The following ANKRD11 variants were observed in gnomAD, a reference collection of about 807,000 sequenced individuals.
The protein encoded by ANKRD11 is ankyrin repeat domain 11, also known as ankyrin repeat domain-containing protein 11.
In ANKRD11, 17 loss-of-function variants were observed where a neutral mutation model predicts 195.7. The ratio of observed to expected loss-of-function variants is 0.09; its 90% CI spans 0.06 to 0.13. ANKRD11 has a LOEUF of 0.13. Among genes scored for constraint, ANKRD11 ranks in the 10% least tolerant of loss-of-function variants. The probability of loss-of-function intolerance (pLI) is 1.00; values close to 1 mark genes in which losing one functional copy is unlikely to be tolerated. For synonymous variants in ANKRD11, 1,953 were observed against 1,528.1 expected (o/e 1.28, Z -6.49); for missense variants, 3,735 against 3,566.1 (o/e 1.05, Z -1.21).
rs1360412896 is a variant in ANKRD11, at chr16:89,286,951, G to T, written c.745-765C>A. On this transcript the variant is annotated intron_variant, in intron 7 of 12. Transcript: ENST00000301030. ...TAGACTCTTGTCGCCCACAGAATCA[G>T]TTTCCAGTTCGTGTGTGACATGTTC... The T allele has an allele frequency of 3.1e-6, 4 of 1,289,734 alleles. No homozygotes were observed. The South Asian group carries it at 4.9e-5, about 16-fold the overall frequency. 79.9% of individuals were successfully genotyped at this position (1,289,734 alleles called of 1,614,324 possible). A position where few individuals can be genotyped will look rare whatever the true frequency, so the allele number is the denominator to read the frequency against.
chr16:89,335,950 C>T (rs2038330626), intron 2 of ANKRD11, among the ~76,000 whole-genome samples: 2 of 152,222 alleles, frequency 1.3e-5, no homozygotes, highest in African/African-American at 2.4e-5. Flanking sequence ...GCAAACATGA[C>T]CGTGCAACAT....
intron 1 of ANKRD11, among the ~76,000 whole-genome samples, chr16:89,441,495 CG>C (rs2152293453): frequency 1.3e-5 from 2 of 151,960 alleles, no homozygotes; most frequent in African/African-American, 4.8e-5. Context: ...TGGCCGGGCG[CG>C]GTGGCTCACG....
Position 89,279,558 on chromosome 16 carries a change from T to C in ANKRD11, c.6984A>G (p.Arg2328=), listed in dbSNP as rs1597434003. The change falls in exon 9 of 13, where the codon CGA becomes CGG. Residue 2328 remains arginine, a synonymous_variant. Coordinates refer to ENST00000301030, the MANE Select transcript of ANKRD11 (RefSeq NM_013275.6). This position sits in a 1 kb window ranked among gnomAD's most constrained non-coding sequence, Gnocchi z 5.6. ...TCATGCGCTGAGGGATCTCCTCCAC[T>C]CGGGGGGCCTTCGGGGCTTCGGCCG... ...KPTAEAPKAP[R]VEEIPQRMTR... The C allele has an allele frequency of 1.4e-6, 2 of 1,431,156 alleles. No homozygotes were observed. Among genetic ancestry groups the C allele is most frequent in the South Asian group, 2.6e-5 (2 of 77,536 alleles). The allele number at this position is 1,431,156 out of a possible 1,614,324, so 88.7% of individuals were successfully genotyped here.
intron 3 of ANKRD11, among the ~76,000 whole-genome samples, chr16:89,315,335 G>A (rs923616597): frequency 8.5e-5 from 13 of 152,284 alleles, no homozygotes; most frequent in Admixed American, 6.5e-4. Flanking sequence ...CCAGGGCGGC[G>A]ACGTGAAGCT....
intron 2 of ANKRD11, among the ~76,000 whole-genome samples, chr16:89,405,934 GC>G (rs1286989196): frequency 7.9e-5 from 12 of 151,892 alleles, no homozygotes; most frequent in Admixed American, 3.3e-4. Flanking sequence ...ACATGGTAAA[GC>G]CCCGTCTCTA....
rs191465180 is a variant in ANKRD11 at position 89,269,035 on chromosome 16, C to T, written c.7807-372G>A. 2.0e-3 allele frequency among the ~76,000 whole-genome samples: 305 copies of T among 152,354 alleles called. 2 individuals are homozygous for T. The highest frequency in any genetic ancestry group is 3.3e-3 in the Non-Finnish European group (224 of 68,028). The stretch of plus-strand genomic sequence containing the variant: ...AATTACTTACGGCCAGTGATAGTTT[C>T]ACTTGTATTTCTAGTAGAAACTATG... On this transcript the variant is annotated intron_variant, in intron 12 of 12. Coordinates refer to ENST00000301030, the MANE Select transcript of ANKRD11 (RefSeq NM_013275.6).
chr16:89,438,160 G>A (rs2043294374), intron 1 of ANKRD11, among the ~76,000 whole-genome samples: 1 of 152,174 alleles, frequency 6.6e-6, no homozygotes, highest in South Asian at 2.1e-4. Flanking sequence ...CCAGGAGGCT[G>A]GCACAACTGG....
chr16:89,270,784 C>T (rs755993617), intron 12 of ANKRD11, 33 bp downstream of exon 12: 3 of 1,607,730 alleles, frequency 1.9e-6, no homozygotes, highest in Middle Eastern at 2.1e-4. Flanking sequence ...GCAGCCTCCC[C>T]CAGGCAGAAC....
At chr16:89,462,962 C>A (rs1437852358) in intron 1 of ANKRD11, among the ~76,000 whole-genome samples, 5 of 150,550 alleles carry the variant, frequency 3.3e-5, no homozygotes, top group Non-Finnish European at 5.9e-5. Context: ...GGGGGTCAGC[C>A]CCCCCGCCAG....
intron 1 of ANKRD11, among the ~76,000 whole-genome samples, chr16:89,464,466 G>A (rs1235386215): frequency 6.6e-6 from 1 of 150,616 alleles, no homozygotes; most frequent in African/African-American, 2.4e-5. Flanking sequence ...AAATTAGCTG[G>A]GCGTGGGGTC....
At chr16:89,381,388 T>G (rs948987668) in intron 2 of ANKRD11, among the ~76,000 whole-genome samples, 2 of 148,214 alleles carry the variant, frequency 1.3e-5, no homozygotes, top group Non-Finnish European at 3.0e-5. Flanking sequence ...TTCAGACTAT[T>G]AGAAGCAAGA....
At position 89,442,155 on chromosome 16, in the gene ANKRD11, G is replaced by A. The variant is rs528346145; in HGVS notation, c.-144-23787C>T. 4.6e-5 allele frequency among the ~76,000 whole-genome samples: 7 copies of A among 152,372 alleles called. No homozygotes were observed. In the South Asian group the frequency reaches 6.2e-4, roughly 14 times the overall value. ...TGCACCGAGGGCCAAGGCGAAGGCC[G>A]CAGGGGGAGGAGGCTCAGCAGAGGG... On this transcript the variant is annotated intron_variant, in intron 1 of 12. Coordinates refer to ENST00000301030, the MANE Select transcript of ANKRD11 (RefSeq NM_013275.6).
intron 2 of ANKRD11, among the ~76,000 whole-genome samples, chr16:89,409,107 G>C (rs925242455): frequency 2.0e-5 from 3 of 152,188 alleles, no homozygotes; most frequent in Non-Finnish European, 4.4e-5. Context: ...CCAGGCCAGT[G>C]AGCCCTGGGG....
chr16:89,342,041 G>A (rs179504), intron 2 of ANKRD11, among the ~76,000 whole-genome samples: 21,557 of 66,890 alleles, frequency 0.32, 6,150 homozygotes, highest in Non-Finnish European at 0.42. Flanking sequence ...TGCCCACAGC[G>A]GCCACGGCCC....
intron 2 of ANKRD11, among the ~76,000 whole-genome samples, chr16:89,332,693 G>T (rs1441258320): frequency 6.6e-6 from 1 of 152,196 alleles, no homozygotes; most frequent in East Asian, 1.9e-4. Context: ...ACCAGGCAGG[G>T]CTCTCCTCCG....
At chr16:89,313,587 A>T in intron 3 of ANKRD11, 1 of 1,289,142 alleles carries the variant, frequency 7.8e-7, no homozygotes. Context: ...CTTTTGGAAA[A>T]ATCTAAAAAT....
chr16:89,435,270 T>C (rs1316533017), intron 1 of ANKRD11, among the ~76,000 whole-genome samples: 1 of 152,018 alleles, frequency 6.6e-6, no homozygotes, highest in African/African-American at 2.4e-5. Flanking sequence ...CAGCACTCTG[T>C]AAAATGGCCC....
intron 1 of ANKRD11, among the ~76,000 whole-genome samples, chr16:89,436,565 G>A (rs141705215): frequency 2.0e-5 from 3 of 152,262 alleles, no homozygotes; most frequent in East Asian, 1.9e-4. Flanking sequence ...CAAACAGGAC[G>A]GCTGTTCCGC....
intron 2 of ANKRD11, among the ~76,000 whole-genome samples, chr16:89,324,073 A>G (rs990086813): frequency 6.6e-6 from 1 of 152,188 alleles, no homozygotes; most frequent in African/African-American, 2.4e-5. Flanking sequence ...GGTGGTCTCC[A>G]TCTCTTGACC....
Sources: gnomAD v4.1 joint callset for allele counts (sites outside exome capture counted in the v4.1 genomes callset) on GRCh38, gnomAD v4.1.1 for gene constraint, Gnocchi (gnomAD v3.1) non-coding constraint, MANE v1.5 for transcripts, NCBI Gene and HGNC (gene_info 2026-07-23, HGNC 2026-07-21) for gene names.